DOP1B: variants seen among roughly 807,000 people sequenced by gnomAD.
DOP1B encodes the protein DOP1 leucine zipper like protein B.
DOP1B carries 174 observed loss-of-function variants against 233.5 expected under a neutral mutation model. The ratio of observed to expected loss-of-function variants is 0.75; its 90% CI spans 0.66 to 0.85. The LOEUF (loss-of-function observed/expected upper bound fraction) is 0.85. Ranked by LOEUF, DOP1B falls within the 40% of genes least tolerant of loss-of-function variation. The pLI is 0.00. For missense variants in DOP1B, 2,652 were observed against 2,846.6 expected (o/e 0.93, Z 1.56); for synonymous variants, 1,190 against 1,185.6 (o/e 1.00, Z -0.08).
In DOP1B at chr21:36,227,526, T is replaced by A. The variant is rs7280662; in HGVS notation, c.1474-160T>A. ...CGCGACACTGCACTCCAGCCTGGGC[T>A]ACAGAGCAAGACTCTGTCAAAAAAA... On this transcript the variant is annotated intron_variant, in intron 12 of 36. Coordinates refer to ENST00000691173, the MANE Select transcript of DOP1B (RefSeq NM_001320714.2). 6.2e-3 allele frequency among the ~76,000 whole-genome samples: 932 copies of A among 151,106 alleles called. 4 individuals carry two copies. The highest frequency in any genetic ancestry group is 0.01 in the Non-Finnish European group (699 of 67,924).
intron 27 of DOP1B, among the ~76,000 whole-genome samples, chr21:36,272,845 G>A (rs1204642603): frequency 1.3e-5 from 2 of 151,486 alleles, no homozygotes; most frequent in Non-Finnish European, 2.9e-5. Flanking sequence ...TTAGCTGGGT[G>A]TGGTGGCGCA....
chr21:36,273,244 T>C (rs2067311110), intron 27 of DOP1B, among the ~76,000 whole-genome samples: 1 of 151,284 alleles, frequency 6.6e-6, no homozygotes. Flanking sequence ...CTGTCTCTAC[T>C]AAAAATACAA....
At chr21:36,192,903 A>G (rs375366726) in intron 2 of DOP1B, among the ~76,000 whole-genome samples, 1 of 151,550 alleles carries the variant, frequency 6.6e-6, no homozygotes, top group Non-Finnish European at 1.5e-5. Flanking sequence ...GTTAGCCAGG[A>G]TGGTCTTGAT....
intron 4 of DOP1B, among the ~76,000 whole-genome samples, chr21:36,208,086 A>G (rs2066448879): frequency 6.6e-6 from 1 of 152,242 alleles, no homozygotes; most frequent in South Asian, 2.1e-4. Context: ...CCTCAGCACA[A>G]GAGCCCCTGG....
intron 26 of DOP1B, among the ~76,000 whole-genome samples, chr21:36,264,146 C>T (rs1206978198): frequency 6.6e-6 from 1 of 152,200 alleles, no homozygotes; most frequent in South Asian, 2.1e-4. Flanking sequence ...TCCCCCCAGA[C>T]GCGGTGGCGC....
chr21:36,288,826 A>G lies in DOP1B; in HGVS notation c.6353+15A>G. On this transcript the variant is annotated intron_variant, in intron 34 of 36. Coordinates refer to ENST00000691173, the MANE Select transcript of DOP1B (RefSeq NM_001320714.2). ...GAGTCATTGAGGTAAGCAGTACAAG[A>G]TCTGTACACAAGAGGAAAAGATAGT... 1 of 1,603,858 alleles carries G rather than the reference A, an allele frequency of 6.2e-7. No homozygotes were observed. Among genetic ancestry groups the G allele is most frequent in the Non-Finnish European group, 8.5e-7 (1 of 1,171,188 alleles).
chr21:36,200,512 G>A lies in DOP1B; in HGVS notation c.491+11G>A, dbSNP rs9979031. ...CGAGATCTCCGACAGGTGCGTGGGC[G>A]TCTTGTCCAGGCTGTGTTTACTCCA... is the stretch of plus-strand genomic sequence containing the variant. On this transcript the variant is annotated intron_variant, in intron 4 of 36. Coordinates refer to ENST00000691173, the MANE Select transcript of DOP1B (RefSeq NM_001320714.2). The A allele has an allele frequency of 0.17, 273,092 of 1,593,546 alleles. 24,579 individuals are homozygous for A. Among genetic ancestry groups the A allele is most frequent in the South Asian group, 0.2 (17,516 of 88,468 alleles).
chr21:36,293,189 G>C, intron 36 of DOP1B, 131 bp from the exon 37 acceptor site: 2 of 984,532 alleles, frequency 2.0e-6, no homozygotes, highest in Non-Finnish European at 1.5e-6. Flanking sequence ...CTGGGCGACA[G>C]AGCAAGACTC....
At chr21:36,234,830 C>T (rs527875105) in intron 15 of DOP1B, among the ~76,000 whole-genome samples, 2 of 151,982 alleles carry the variant, frequency 1.3e-5, no homozygotes, top group African/African-American at 4.8e-5. Flanking sequence ...AGCCACCGCA[C>T]CCGGCCAAGA....
intron 1 of DOP1B, among the ~76,000 whole-genome samples, chr21:36,158,777 T>C (rs1206756496): frequency 7.4e-6 from 1 of 134,584 alleles, no homozygotes; most frequent in Non-Finnish European, 1.5e-5. Flanking sequence ...CACTCCAGCA[T>C]GGCGACAGAG....
chr21:36,236,110 T>C (rs1379953794), intron 15 of DOP1B, among the ~76,000 whole-genome samples: 1 of 152,220 alleles, frequency 6.6e-6, no homozygotes, highest in Non-Finnish European at 1.5e-5. Flanking sequence ...AAACTTCATA[T>C]AGTCTATGAA....
chr21:36,235,357 C>T (rs1490508289), intron 15 of DOP1B, among the ~76,000 whole-genome samples: 1 of 152,084 alleles, frequency 6.6e-6, no homozygotes, highest in African/African-American at 2.4e-5. Flanking sequence ...CCTTTCTTAT[C>T]AGGTAGTGTT....
chr21:36,232,856 C>T lies in DOP1B; in HGVS notation c.2403C>T (p.Cys801=), dbSNP rs750119417. 4 of 1,613,598 alleles carry T rather than the reference C, an allele frequency of 2.5e-6. No homozygotes were observed. In the East Asian group the frequency reaches 6.7e-5, roughly 27 times the overall value. The change falls in exon 15 of 37, where the codon TGC becomes TGT. Residue 801 remains cysteine (C), a synonymous_variant. Coordinates refer to ENST00000691173, the MANE Select transcript of DOP1B (RefSeq NM_001320714.2). ...PSWLKSLMTI[C]CCVTDCYLQN... ...GGCTGAAGTCCCTCATGACTATTTG[C>T]TGCTGTGTGACTGACTGCTACCTCC...
intron 2 of DOP1B, among the ~76,000 whole-genome samples, chr21:36,177,285 A>C (rs111612474): frequency 0.022 from 3,337 of 152,342 alleles, 127 homozygotes; most frequent in African/African-American, 0.077. Flanking sequence ...CAGCAGCCTC[A>C]GTGAGGGCCA....
At chr21:36,199,585 A>C (rs1357200881) in intron 3 of DOP1B, among the ~76,000 whole-genome samples, 8 of 144,944 alleles carry the variant, frequency 5.5e-5, no homozygotes, top group African/African-American at 1.3e-4. Context: ...ATCCCTCCCC[A>C]CTCCCCCGAC....
chr21:36,229,420 A>T (rs1035782630), intron 13 of DOP1B, among the ~76,000 whole-genome samples: 9 of 151,970 alleles, frequency 5.9e-5, no homozygotes, highest in African/African-American at 2.2e-4. Flanking sequence ...CTCGGCCTTT[A>T]TGTTCACTTG....
At chr21:36,222,348 G>T (rs563532214) in intron 10 of DOP1B, among the ~76,000 whole-genome samples, 29 of 151,916 alleles carry the variant, frequency 1.9e-4, no homozygotes, top group Admixed American at 1.1e-3. Flanking sequence ...GGAGGCTGAG[G>T]CAGGTGGATC....
chr21:36,271,240 C>T (rs976176512), intron 27 of DOP1B, among the ~76,000 whole-genome samples: 5 of 143,036 alleles, frequency 3.5e-5, no homozygotes, highest in Admixed American at 7.2e-5. Context: ...GACAGAGTCT[C>T]GCTCTGTCAC....
At chr21:36,232,728 T>C in intron 14 of DOP1B, 76 bp from the exon 15 acceptor site, 3 of 1,585,068 alleles carry the variant, frequency 1.9e-6, no homozygotes, top group Non-Finnish European at 2.6e-6. Flanking sequence ...TCTAGGGTGC[T>C]GTAGAATCTG....
Sources: gnomAD v4.1 joint callset for allele counts (sites outside exome capture counted in the v4.1 genomes callset) on GRCh38, gnomAD v4.1.1 for gene constraint, MANE v1.5 for transcripts, NCBI Gene and HGNC (gene_info 2026-07-23, HGNC 2026-07-21) for gene names.